The following EXD3 variants were observed in gnomAD, a reference collection of about 807,000 sequenced individuals.
EXD3 encodes the protein exonuclease 3'-5' domain containing 3.
Under a neutral mutation model 98.0 loss-of-function variants are expected in EXD3, and 92 were observed. The ratio of observed to expected loss-of-function variants is 0.94; its 90% confidence interval spans 0.79 to 1.12. EXD3 has a LOEUF of 1.12. Ranked by LOEUF, EXD3 falls within the 50% of genes most tolerant of loss-of-function variation. The pLI is 0.00. For missense variants in EXD3, 1,222 were observed against 1,191.6 expected, an observed-to-expected ratio of 1.03 and a Z score of -0.38; for synonymous variants, 569 against 526.0, an observed-to-expected ratio of 1.08 and a Z score of -1.12.
At chr9:137,354,834 T>G in intron 8 of EXD3, 61 bp from the exon 9 acceptor site, 2 of 1,520,606 alleles carry the variant, frequency 1.3e-6, no homozygotes, top group Non-Finnish European at 1.8e-6. Flanking sequence ...GGCCTCCTTC[T>G]GGGGCGGGCT....
Position 137,419,971 on chromosome 9 carries a change from A to C in EXD3, c.-48+3143T>G, listed in dbSNP as rs562522255. Among the ~76,000 whole-genome samples, 14 of 152,170 alleles carry C rather than the reference A, an allele frequency of 9.2e-5. No homozygotes were observed. In the East Asian group the frequency reaches 2.3e-3, roughly 25 times the overall value. On this transcript the variant is annotated intron_variant, in intron 1 of 21. Transcript: ENST00000340951. ...TCAGGAGATCGAGACCATCCTGGCTAATACGGTGAAACCCCATCTCTACTA... is the reference window on the plus strand; with the variant it reads ...TCAGGAGATCGAGACCATCCTGGCTCATACGGTGAAACCCCATCTCTACTA...
chr9:137,311,644 C>T (rs1831367593), intron 19 of EXD3, among the ~76,000 whole-genome samples: 1 of 152,204 alleles, frequency 6.6e-6, no homozygotes, highest in African/African-American at 2.4e-5. Context: ...GGCTGCTGCC[C>T]GCTGTGGGCC....
chr9:137,326,931 A>C (rs952970583), intron 17 of EXD3, among the ~76,000 whole-genome samples: 5 of 152,116 alleles, frequency 3.3e-5, no homozygotes, highest in African/African-American at 4.8e-5. Flanking sequence ...CAAAAAAAAA[A>C]AGGAAGGACG....
chr9:137,355,549 GGAGGAAGGAGGAAGGGAGGAT>G, intron 8 of EXD3, among the ~76,000 whole-genome samples: 1 of 98,152 alleles, frequency 1.0e-5, no homozygotes, highest in Non-Finnish European at 2.1e-5. Flanking sequence ...GAAGGAGGAA[GGAGGAAGGAGGAAGGGAGGAT>G]GGAGGAAGGA....
At chr9:137,308,683 C>T (rs1372876834) in intron 20 of EXD3, among the ~76,000 whole-genome samples, 3 of 148,510 alleles carry the variant, frequency 2.0e-5, no homozygotes, top group African/African-American at 7.5e-5. Flanking sequence ...GTCCCCAAGG[C>T]TGGAGTGCAG....
intron 19 of EXD3, among the ~76,000 whole-genome samples, chr9:137,322,421 A>T (rs1386935553): frequency 7.0e-6 from 1 of 143,138 alleles, no homozygotes; most frequent in Non-Finnish European, 1.5e-5. Flanking sequence ...CCCACGAGGG[A>T]TGCTCTGCCG....
intron 1 of EXD3, among the ~76,000 whole-genome samples, chr9:137,406,770 C>A (rs1351068912): frequency 1.3e-5 from 2 of 152,154 alleles, no homozygotes; most frequent in Non-Finnish European, 2.9e-5. Flanking sequence ...GGGCGGTAGA[C>A]CCTCTCCCCA....
Position 137,371,565 on chromosome 9 carries a change from C to T in EXD3, c.462+1340G>A, listed in dbSNP as rs1319243005. 6.6e-6 allele frequency among the ~76,000 whole-genome samples: 1 copy of T among 152,024 alleles called. No individual in the cohort carries two copies. The highest frequency in any genetic ancestry group is 1.9e-4 in the East Asian group (1 of 5,180). ...ACGTGGGCAGGCAGCGGGGTGGTGG[C>T]CTTCACGCTCGGCCCTGAAGTAAGG... On this transcript the variant is annotated intron_variant, in intron 5 of 21. Transcript: ENST00000340951. The surrounding 1 kb of genome is among the most constrained non-coding windows in gnomAD (Gnocchi z 8.0).
Position 137,371,122 on chromosome 9 carries a change from T to TCGGAG in EXD3, c.462+1778_462+1782dup, listed in dbSNP as rs1183397684. ...CCCCCTTTGTGTGGGGATTCCTGCC[T>TCGGAG]CGGAGCGCGAGGGAGGCGCATTCAG... On this transcript the variant is annotated intron_variant, in intron 5 of 21. Transcript: ENST00000340951. This position sits in a 1 kb window ranked among gnomAD's most constrained non-coding sequence, Gnocchi z 8.0. Among the ~76,000 whole-genome samples, 4 of 152,164 alleles carry TCGGAG rather than the reference T, an allele frequency of 2.6e-5. No individual in the cohort carries two copies. Among genetic ancestry groups the TCGGAG allele is most frequent in the South Asian group, 2.1e-4 (1 of 4,834 alleles).
chr9:137,352,978 G>T, intron 10 of EXD3, 192 bp from the exon 11 acceptor site: 1 of 1,403,040 alleles, frequency 7.1e-7, no homozygotes. Flanking sequence ...CAAAGCGGCT[G>T]AGATAGAGGT....
chr9:137,374,302 G>A lies in EXD3; in HGVS notation c.121-703C>T, dbSNP rs529915852. On this transcript the variant is annotated intron_variant, in intron 3 of 21. Transcript: ENST00000340951. ...GCGCTCGGGACAGGGCGCAGCAGCC[G>A]ACACCCGACCTGAAGCCGACGGCCA... 2.2e-3 allele frequency among the ~76,000 whole-genome samples: 339 copies of A among 152,350 alleles called. 2 individuals are homozygous for A. The highest frequency in any genetic ancestry group is 7.7e-3 in the African/African-American group (322 of 41,582).
In EXD3 at chr9:137,307,947, C is replaced by T. The variant is rs549279988; in HGVS notation, c.2279-301G>A. On this transcript the variant is annotated intron_variant, in intron 20 of 21. Coordinates refer to ENST00000340951, the MANE Select transcript of EXD3 (RefSeq NM_017820.5). ...GGGCTCTTGGGGGCCTGAGAACCGG[C>T]GGGCGGGGGCGGGGGCAGCCCATTT... 9.0e-5 allele frequency among the ~76,000 whole-genome samples: 12 copies of T among 132,736 alleles called. No individual in the cohort carries two copies. In the East Asian group the frequency reaches 2.4e-3, roughly 26 times the overall value. The allele number at this position is 132,736 out of a possible 152,430, so 87.1% of individuals were successfully genotyped here.
At chr9:137,325,177 C>T (rs542921639) in intron 17 of EXD3, among the ~76,000 whole-genome samples, 15 of 152,286 alleles carry the variant, frequency 9.8e-5, no homozygotes, top group African/African-American at 3.6e-4. Flanking sequence ...TTTCTACATA[C>T]ATTTTACACT....
Position 137,387,435 on chromosome 9 carries a change from C to T in EXD3, c.56-4058G>A, listed in dbSNP as rs765417362. 1.6e-3 allele frequency among the ~76,000 whole-genome samples: 237 copies of T among 152,318 alleles called. 1 individual carries two copies. The highest frequency in any genetic ancestry group is 2.2e-3 in the Non-Finnish European group (148 of 68,004). The stretch of plus-strand genomic sequence containing the variant: ...CAGGTGTGGCGGGACAAGTGTCTGC[C>T]GTGCCGGGCTCAGACACGGCCATGC... On this transcript the variant is annotated intron_variant, in intron 2 of 21. Transcript: ENST00000340951.
chr9:137,333,399 C>T (rs1450597831), intron 17 of EXD3, among the ~76,000 whole-genome samples: 1 of 152,208 alleles, frequency 6.6e-6, no homozygotes, highest in Admixed American at 6.5e-5. Context: ...TTCGTATGCA[C>T]ATCTATCCTA....
intron 1 of EXD3, among the ~76,000 whole-genome samples, chr9:137,420,748 C>CCCA (rs1838476467): frequency 6.8e-6 from 1 of 146,354 alleles, no homozygotes; most frequent in Non-Finnish European, 1.5e-5. Context: ...CCCCCCCCCC[C>CCCA]AAATTCATAC....
intron 19 of EXD3, among the ~76,000 whole-genome samples, chr9:137,315,454 G>A (rs189694941): frequency 2.6e-5 from 4 of 152,134 alleles, no homozygotes; most frequent in African/African-American, 4.8e-5. Context: ...CCCCAGCCCC[G>A]GGTGTCTGGC....
At chr9:137,328,982 ACTACACGGG>A (rs1564478383) in intron 17 of EXD3, among the ~76,000 whole-genome samples, 16 of 2,316 alleles carry the variant, frequency 6.9e-3, no homozygotes, top group Non-Finnish European at 8.1e-3. Context: ...GCTACACGGG[ACTACACGGG>A]GCTACACGGG....
intron 1 of EXD3, among the ~76,000 whole-genome samples, chr9:137,420,814 G>C (rs1174331198): frequency 6.7e-6 from 1 of 148,934 alleles, no homozygotes; most frequent in Non-Finnish European, 1.5e-5. Context: ...CTAGACATGG[G>C]AAGTGTTTGT....
Sources: gnomAD v4.1 joint callset for allele counts (sites outside exome capture counted in the v4.1 genomes callset) on GRCh38, gnomAD v4.1.1 for gene constraint, Gnocchi (gnomAD v3.1) non-coding constraint, MANE v1.5 for transcripts, NCBI Gene and HGNC (gene_info 2026-07-23, HGNC 2026-07-21) for gene names.